MAMDC2: variants seen among roughly 807,000 people sequenced by gnomAD.
MAMDC2 encodes MAM domain containing 2.
A neutral mutation model predicts 89.8 loss-of-function variants in MAMDC2; 57 were observed. The observed-to-expected ratio is 0.63, with a 90% CI of 0.51 to 0.79. The LOEUF (loss-of-function observed/expected upper bound fraction) is 0.79, where lower values mean the gene tolerates loss of function less well. MAMDC2 is among the 30% of genes least tolerant of loss of function. MAMDC2 has a pLI of 0.00. For synonymous variants in MAMDC2, 313 were observed against 293.4 expected, an observed-to-expected ratio of 1.07 and a Z score of -0.68; for missense variants, 800 against 820.6, an observed-to-expected ratio of 0.97 and a Z score of 0.31.
At chr9:70,107,283 A>G (rs1397644312) in intron 2 of MAMDC2, among the ~76,000 whole-genome samples, 4 of 152,176 alleles carry the variant, frequency 2.6e-5, no homozygotes, top group Non-Finnish European at 4.4e-5. Context: ...TGCTTTTCAT[A>G]TCTTGTACAG....
intron 2 of MAMDC2, among the ~76,000 whole-genome samples, chr9:70,101,721 C>T (rs1452082312): frequency 6.6e-6 from 1 of 152,160 alleles, no homozygotes; most frequent in Non-Finnish European, 1.5e-5. Flanking sequence ...GAAGTACACT[C>T]TATAATACCT....
intron 2 of MAMDC2, among the ~76,000 whole-genome samples, chr9:70,087,926 T>C (rs1056223812): frequency 1.3e-5 from 2 of 152,166 alleles, no homozygotes; most frequent in Non-Finnish European, 2.9e-5. Flanking sequence ...AATTTTATTA[T>C]TTCTCAATTA....
At chr9:70,131,644 G>A (rs371422186) in intron 7 of MAMDC2, 32 bp downstream of exon 7, 20 of 1,495,668 alleles carry the variant, frequency 1.3e-5, no homozygotes, top group Non-Finnish European at 1.8e-5. Context: ...TTGCATTTTG[G>A]GATGTTCCTG....
chr9:70,165,806 T>C (rs2032153669), intron 9 of MAMDC2, among the ~76,000 whole-genome samples: 1 of 152,204 alleles, frequency 6.6e-6, no homozygotes, highest in South Asian at 2.1e-4. Flanking sequence ...TGTGACTGAA[T>C]ACATGAATTT....
In MAMDC2 at chr9:70,068,953, T is replaced by C. The variant is rs193288879; in HGVS notation, c.148+24256T>C. Among the ~76,000 whole-genome samples, 37 of 152,242 alleles carry C rather than the reference T, an allele frequency of 2.4e-4. No homozygotes were observed. In the South Asian group the frequency reaches 2.7e-3, roughly 11 times the overall value. On this transcript the variant is annotated intron_variant, in intron 2 of 13. Coordinates refer to ENST00000377182, the MANE Select transcript of MAMDC2 (RefSeq NM_153267.5). Reference sequence around the variant, plus strand: ...AAAGTTAGGTAAAGCAAGGCAGATATAAGGCAAAGCCTCAAAAATAGGTAA... The same window carrying C: ...AAAGTTAGGTAAAGCAAGGCAGATACAAGGCAAAGCCTCAAAAATAGGTAA...
At chr9:70,129,230 C>T (rs909360984) in intron 6 of MAMDC2, among the ~76,000 whole-genome samples, 7 of 152,112 alleles carry the variant, frequency 4.6e-5, no homozygotes, top group Non-Finnish European at 7.4e-5. Flanking sequence ...ATGCCTTTCT[C>T]GTGATAGTGA....
chr9:70,074,727 A>G (rs1301327566), intron 2 of MAMDC2, among the ~76,000 whole-genome samples: 6 of 152,264 alleles, frequency 3.9e-5, no homozygotes, highest in Non-Finnish European at 7.3e-5. Context: ...TTGAGGGAGC[A>G]ACATAACATG....
intron 2 of MAMDC2, among the ~76,000 whole-genome samples, chr9:70,095,865 A>G (rs775330204): frequency 4.6e-5 from 7 of 152,194 alleles, no homozygotes; most frequent in Admixed American, 6.5e-5. Flanking sequence ...AGACTCAACA[A>G]TATGATCAGG....
chr9:70,143,806 C>G lies in MAMDC2; in HGVS notation c.1391C>G (p.Pro464Arg), dbSNP rs772612673. The G allele has an allele frequency of 1.2e-6, 2 of 1,613,910 alleles. No homozygotes were observed. Among genetic ancestry groups the G allele is most frequent in the South Asian group, 2.2e-5 (2 of 91,078 alleles). ...CAAGCTGAAATCACCTTTAAGAAGC[C>G]CATGCCTACCAAGGTACAGCAGAGC... ...WMQAEITFKK[P>R]MPTKVVFMSL... Residue 464 changes from proline (P) to arginine (R), a missense_variant, in exon 9 of 14, where the codon CCC (proline) becomes CGC (arginine). Coordinates refer to ENST00000377182, the MANE Select transcript of MAMDC2 (RefSeq NM_153267.5).
At chr9:70,151,374 C>T (rs1402110750) in intron 9 of MAMDC2, among the ~76,000 whole-genome samples, 1 of 152,220 alleles carries the variant, frequency 6.6e-6, no homozygotes, top group Non-Finnish European at 1.5e-5. Flanking sequence ...TGTGAAAATA[C>T]AGCCTTCATG....
chr9:70,105,128 C>T (rs1421858503), intron 2 of MAMDC2, among the ~76,000 whole-genome samples: 1 of 152,006 alleles, frequency 6.6e-6, no homozygotes, highest in South Asian at 2.1e-4. Flanking sequence ...AAGGCAACAT[C>T]CTTGACATTA....
At chr9:70,072,772 G>A (rs957025134) in intron 2 of MAMDC2, among the ~76,000 whole-genome samples, 3 of 151,916 alleles carry the variant, frequency 2.0e-5, no homozygotes, top group Non-Finnish European at 4.4e-5. Context: ...ACAAAAAAAA[G>A]TACACTAAAA....
At chr9:70,169,725 C>T (rs1345579286) in intron 10 of MAMDC2, 1 of 152,114 alleles carries the variant, frequency 6.6e-6, no homozygotes, top group Non-Finnish European at 1.5e-5. Flanking sequence ...AAGGAAAAGT[C>T]CCCAATAAAT....
At chr9:70,120,535 C>T (rs2030237749) in intron 5 of MAMDC2, among the ~76,000 whole-genome samples, 1 of 152,174 alleles carries the variant, frequency 6.6e-6, no homozygotes, top group Non-Finnish European at 1.5e-5. Flanking sequence ...TTTATAGAAA[C>T]CCCATCTCCA....
rs538528805 is a variant in MAMDC2 at position 70,214,882 on chromosome 9, G to C, written c.1652-3455G>C. On this transcript the variant is annotated intron_variant, in intron 11 of 13. Coordinates refer to ENST00000377182, the MANE Select transcript of MAMDC2 (RefSeq NM_153267.5). ...ACGACTGGATATTTAGTCTACTTCA[G>C]GCTGTCAGGAAGTTGAGTTTTGAAT... Among the ~76,000 whole-genome samples the C allele has an allele frequency of 1.4e-4, 22 of 152,318 alleles. 1 individual carries two copies. The highest frequency in any genetic ancestry group is 5.1e-4 in the African/African-American group (21 of 41,564).
chr9:70,149,048 T>TA, intron 9 of MAMDC2, among the ~76,000 whole-genome samples: 1 of 141,510 alleles, frequency 7.1e-6, no homozygotes, highest in South Asian at 2.3e-4. Flanking sequence ...AAAAAAAATT[T>TA]TTTTTTTTTT....
intron 9 of MAMDC2, among the ~76,000 whole-genome samples, chr9:70,147,006 A>G (rs1179935199): frequency 6.7e-6 from 1 of 149,540 alleles, no homozygotes; most frequent in East Asian, 2.0e-4. Context: ...CTGTAATCCT[A>G]GCACTTCGGA....
At chr9:70,127,589 A>G (rs932501470) in intron 6 of MAMDC2, among the ~76,000 whole-genome samples, 4 of 151,952 alleles carry the variant, frequency 2.6e-5, no homozygotes, top group African/African-American at 9.7e-5. Flanking sequence ...GTAGAGCTGC[A>G]GAGAACAGGG....
chr9:70,093,426 T>G (rs1470299348), intron 2 of MAMDC2, among the ~76,000 whole-genome samples: 1 of 151,324 alleles, frequency 6.6e-6, no homozygotes, highest in African/African-American at 2.4e-5. Flanking sequence ...GGGACAGTTT[T>G]TTTTTTTTTT....
Sources: gnomAD v4.1 joint callset for allele counts (sites outside exome capture counted in the v4.1 genomes callset) on GRCh38, gnomAD v4.1.1 for gene constraint, MANE v1.5 for transcripts, NCBI Gene and HGNC (gene_info 2026-07-23, HGNC 2026-07-21) for gene names.